Variants in ZNF740 observed in about 807,000 individuals in gnomAD.
The protein encoded by ZNF740 is oriLyt TD-element-binding protein 7.
Under a neutral mutation model 24.8 loss-of-function variants are expected in ZNF740, and 14 were observed. The observed-to-expected ratio is 0.56, with a 90% CI of 0.37 to 0.88. ZNF740 has a LOEUF of 0.88. Among genes scored for constraint, ZNF740 ranks in the 40% least tolerant of loss-of-function variants. ZNF740 has a pLI of 0.00. For missense variants in ZNF740, 201 were observed against 247.9 expected, an observed-to-expected ratio of 0.81 and a Z score of 1.27; for synonymous variants, 69 against 84.0, an observed-to-expected ratio of 0.82 and a Z score of 0.98.
chr12:53,188,902 G>C lies in ZNF740; in HGVS notation c.*1312G>C, dbSNP rs1282391233. On this transcript the variant is annotated 3_prime_UTR_variant, in exon 7 of 7. Coordinates refer to ENST00000416904, the MANE Select transcript of ZNF740 (RefSeq NM_001004304.4). ...AAAGTAATCGGGTGTGTGTGTGTGT[G>C]TGAGAGAGAGTGTGTGTGAGATATG... The C allele has an allele frequency of 6.6e-6, 1 of 152,238 alleles. No homozygotes were observed. Among genetic ancestry groups the C allele is most frequent in the African/African-American group, 2.4e-5 (1 of 41,444 alleles). 9.4% of individuals were successfully genotyped at this position (152,238 alleles called of 1,614,324 possible). A position where few individuals can be genotyped will look rare whatever the true frequency, so the allele number is the denominator to read the frequency against.
Position 53,192,688 on chromosome 12 carries a change from C to T in ZNF740, c.*5098C>T. On this transcript the variant is annotated 3_prime_UTR_variant, in exon 7 of 7. Transcript: ENST00000416904. ...TCCCAAGATGCAAGACCTGAGGCCT[C>T]ACCGGTGTCTCTCGCATGGTGTCTT... 1 of 1,612,472 alleles carries T rather than the reference C, an allele frequency of 6.2e-7. No homozygotes were observed. Among genetic ancestry groups the T allele is most frequent in the South Asian group, 1.1e-5 (1 of 91,058 alleles).
In ZNF740 at chr12:53,192,512, C is replaced by T. The variant is rs761810729; in HGVS notation, c.*4922C>T. ...GCAGTTGGTGGCCAGTGGGCCAGTC[C>T]TGAAGGCCCCACACTCTGCACAGTC... On this transcript the variant is annotated 3_prime_UTR_variant, in exon 7 of 7. Transcript: ENST00000416904. 4 of 1,614,016 alleles carry T rather than the reference C, an allele frequency of 2.5e-6. No homozygotes were observed. The highest frequency in any genetic ancestry group is 3.3e-4 in the Middle Eastern group (2 of 6,080).
Position 53,191,858 on chromosome 12 carries a change from C to G in ZNF740, c.*4268C>G. 1 of 1,613,592 alleles carries G rather than the reference C, an allele frequency of 6.2e-7. No individual in the cohort carries two copies. The highest frequency in any genetic ancestry group is 8.5e-7 in the Non-Finnish European group (1 of 1,179,952). On this transcript the variant is annotated 3_prime_UTR_variant, in exon 7 of 7. Transcript: ENST00000416904. ...GGGGCCTAACCAGGAAGTCTCCTCA[C>G]CTGCTTCCAGTTGAGTTGTTGCTGC...
In ZNF740 at chr12:53,185,403, G is replaced by A. The variant is rs764713254; in HGVS notation, c.176G>A (p.Ser59Asn). ...RCSSQGHRKDSDKSRSRKDDD... is the reference protein window; with the variant it reads ...RCSSQGHRKDNDKSRSRKDDD... Reference sequence around the variant, plus strand: ...TCTTCAAAGGGTCACCGAAAAGACAGTGATAAGTCCCGGAGCCGCAAAGAT... The same window carrying A: ...TCTTCAAAGGGTCACCGAAAAGACAATGATAAGTCCCGGAGCCGCAAAGAT... The change falls in exon 4 of 7, where the codon AGT becomes AAT. Residue 59 changes from serine to asparagine, a missense_variant. This residue lies in a region of ZNF740 where 117 missense variants were observed against 122.3 expected (regional missense o/e 0.96). Coordinates refer to ENST00000416904, the MANE Select transcript of ZNF740 (RefSeq NM_001004304.4). 3 of 1,614,034 alleles carry A rather than the reference G, an allele frequency of 1.9e-6. No homozygotes were observed. The South Asian group carries it at 3.3e-5, about 18-fold the overall frequency.
At position 53,193,738 on chromosome 12, in the gene ZNF740, C is replaced by T; in HGVS notation, c.*6148C>T. 3 of 1,613,500 alleles carry T rather than the reference C, an allele frequency of 1.9e-6. No homozygotes were observed. In the East Asian group the frequency reaches 6.7e-5, roughly 36 times the overall value. On this transcript the variant is annotated 3_prime_UTR_variant, in exon 7 of 7. Transcript: ENST00000416904. Reference sequence around the variant, plus strand: ...TACACCACATTGTAGGTGTCCCTGGCCATCACTGCAGTGGGGAGCCTGGGG... The same window carrying T: ...TACACCACATTGTAGGTGTCCCTGGTCATCACTGCAGTGGGGAGCCTGGGG...
intron 2 of ZNF740, among the ~76,000 whole-genome samples, chr12:53,184,150 T>TGTGTGTGTGTGTGTGTGTGTGCGCGCGC (rs59250662): frequency 1.5e-4 from 16 of 104,414 alleles, no homozygotes; most frequent in African/African-American, 5.6e-4. Context: ...TGTGTGTGTG[T>TGTGTGTGTGTGTGTGTGTGTGCGCGCGC]GCGCGCGCGC....
intron 1 of ZNF740, 37 bp downstream of exon 1, chr12:53,180,874 A>G (rs1257412408): frequency 9.0e-6 from 11 of 1,217,594 alleles, no homozygotes; most frequent in Non-Finnish European, 1.2e-5. Flanking sequence ...CGTCGTCCGT[A>G]CAGACGGCAG....
In ZNF740 at chr12:53,184,985, A is replaced by C. The variant is rs770243451; in HGVS notation, c.104A>C (p.Gln35Pro). ...KMMLSQIASKQAENGERAGSP... is the reference protein window; with the variant it reads ...KMMLSQIASKPAENGERAGSP... ...ATGCTGAGCCAGATTGCCAGCAAGC[A>C]GGCCGAGAATGGCGAGCGGGCAGGT... Residue 35 changes from glutamine to proline, a missense_variant, in exon 3 of 7, where the codon CAG becomes CCG. Gln to Pro is a moderately conservative substitution (Grantham distance 76). This residue lies in a region of ZNF740 where 117 missense variants were observed against 122.3 expected (regional missense o/e 0.96). Coordinates refer to ENST00000416904, the MANE Select transcript of ZNF740 (RefSeq NM_001004304.4). 5.0e-6 allele frequency: 8 copies of C among 1,613,932 alleles called. No individual in the cohort carries two copies. The Admixed American group carries it at 1.3e-4, about 27-fold the overall frequency.
Position 53,188,464 on chromosome 12 carries a change from T to C in ZNF740, c.*874T>C, listed in dbSNP as rs1941865673. On this transcript the variant is annotated 3_prime_UTR_variant, in exon 7 of 7. Transcript: ENST00000416904. ...TGGCTACCTCGCTGCCATTGACTCC[T>C]AAAGTGAGACAGATGTGTTGAGCAA... is the stretch of plus-strand genomic sequence containing the variant. The C allele has an allele frequency of 6.6e-6, 1 of 152,612 alleles. No homozygotes were observed. The highest frequency in any genetic ancestry group is 6.5e-5 in the Admixed American group (1 of 15,278). 9.5% of individuals were successfully genotyped at this position (152,612 alleles called of 1,614,324 possible).
At chr12:53,184,861 G>T in intron 2 of ZNF740, 30 bp from the exon 3 acceptor site, 1 of 1,601,332 alleles carries the variant, frequency 6.2e-7, no homozygotes, top group South Asian at 1.1e-5. Flanking sequence ...CCTGCCAGGT[G>T]ACCTGACACC....
rs761529653 is a variant in ZNF740 at position 53,181,895 on chromosome 12, G to T, written c.-89G>T. The T allele has an allele frequency of 8.3e-5, 127 of 1,527,158 alleles. No individual in the cohort carries two copies. Among genetic ancestry groups the T allele is most frequent in the Non-Finnish European group, 1.1e-4 (126 of 1,121,068 alleles). 94.6% of individuals were successfully genotyped at this position (1,527,158 alleles called of 1,614,324 possible). A position where few individuals can be genotyped will look rare whatever the true frequency, so the allele number is the denominator to read the frequency against. ...CACGAAGGAGTCGCTACCGTGATTT[G>T]GTGACAGTTCTTCAAAACGACAGTG... On this transcript the variant is annotated 5_prime_UTR_variant, in exon 2 of 7. Coordinates refer to ENST00000416904, the MANE Select transcript of ZNF740 (RefSeq NM_001004304.4).
At chr12:53,184,433 G>T (rs960736994) in intron 2 of ZNF740, among the ~76,000 whole-genome samples, 2 of 151,976 alleles carry the variant, frequency 1.3e-5, no homozygotes, top group African/African-American at 4.8e-5. Flanking sequence ...TGATCCGCCC[G>T]CCTCATTCTC....
chr12:53,192,624 C>T lies in ZNF740; in HGVS notation c.*5034C>T. The T allele has an allele frequency of 1.3e-6, 2 of 1,595,850 alleles. No individual in the cohort carries two copies. The highest frequency in any genetic ancestry group is 8.6e-7 in the Non-Finnish European group (1 of 1,166,212). On this transcript the variant is annotated 3_prime_UTR_variant, in exon 7 of 7. Transcript: ENST00000416904. ...AACTACAAGCAGGACGGAGAGTAGG[C>T]AGATGGGAGTAGCTCAACAAGCCCC...
Position 53,188,911 on chromosome 12 carries a change from A to T in ZNF740, c.*1321A>T, listed in dbSNP as rs552063902. The stretch of plus-strand genomic sequence containing the variant: ...GGGTGTGTGTGTGTGTGTGAGAGAG[A>T]GTGTGTGTGAGATATGAATGCATGT... On this transcript the variant is annotated 3_prime_UTR_variant, in exon 7 of 7. Transcript: ENST00000416904. 5 of 152,012 alleles carry T rather than the reference A, an allele frequency of 3.3e-5. No individual in the cohort carries two copies. The highest frequency in any genetic ancestry group is 3.9e-4 in the East Asian group (2 of 5,170). 9.4% of individuals were successfully genotyped at this position (152,012 alleles called of 1,614,324 possible).
chr12:53,192,707 G>C lies in ZNF740; in HGVS notation c.*5117G>C. On this transcript the variant is annotated 3_prime_UTR_variant, in exon 7 of 7. Transcript: ENST00000416904. ...AGGCCTCACCGGTGTCTCTCGCATGGTGTCTTGCAGCCTGGGCATTGGTCG... is the reference window on the plus strand; with the variant it reads ...AGGCCTCACCGGTGTCTCTCGCATGCTGTCTTGCAGCCTGGGCATTGGTCG... The C allele has an allele frequency of 6.2e-7, 1 of 1,613,970 alleles. No individual in the cohort carries two copies. The highest frequency in any genetic ancestry group is 8.5e-7 in the Non-Finnish European group (1 of 1,179,928).
chr12:53,191,542 T>G lies in ZNF740; in HGVS notation c.*3952T>G. 6.3e-7 allele frequency: 1 copy of G among 1,595,372 alleles called. No homozygotes were observed. Among genetic ancestry groups the G allele is most frequent in the Non-Finnish European group, 8.6e-7 (1 of 1,162,970 alleles). Reference sequence around the variant, plus strand: ...TCCAAGGAGAAGAGCCTTGGGTAAGTGTCCCTCCCTCCTTCAGAGAGTGGG... The same window carrying G: ...TCCAAGGAGAAGAGCCTTGGGTAAGGGTCCCTCCCTCCTTCAGAGAGTGGG... On this transcript the variant is annotated 3_prime_UTR_variant, in exon 7 of 7. Coordinates refer to ENST00000416904, the MANE Select transcript of ZNF740 (RefSeq NM_001004304.4).
rs2120365709 is a variant in ZNF740 at position 53,189,037 on chromosome 12, C to G, written c.*1447C>G. On this transcript the variant is annotated 3_prime_UTR_variant, in exon 7 of 7. Coordinates refer to ENST00000416904, the MANE Select transcript of ZNF740 (RefSeq NM_001004304.4). ...GGAAAATAGCCTCCTCTTGCCCAAA[C>G]ATGAAGGGTGCTTGAGGTCTCAGCA... is the stretch of plus-strand genomic sequence containing the variant. The G allele has an allele frequency of 6.6e-6, 1 of 152,000 alleles. No homozygotes were observed. The highest frequency in any genetic ancestry group is 1.9e-4 in the East Asian group (1 of 5,176). 9.4% of individuals were successfully genotyped at this position (152,000 alleles called of 1,614,324 possible). A position where few individuals can be genotyped will look rare whatever the true frequency, so the allele number is the denominator to read the frequency against.
chr12:53,182,689 A>G (rs74088983), intron 2 of ZNF740, among the ~76,000 whole-genome samples: 5,146 of 152,244 alleles, frequency 0.034, 293 homozygotes, highest in African/African-American at 0.12. Context: ...GGAAAATGTG[A>G]TGAGGTTCCG....
In ZNF740 at chr12:53,185,028, G is replaced by A. The variant is rs1565691369; in HGVS notation, c.147G>A (p.Arg49=). The A allele has an allele frequency of 3.1e-6, 5 of 1,613,874 alleles. No individual in the cohort carries two copies. The highest frequency in any genetic ancestry group is 4.2e-6 in the Non-Finnish European group (5 of 1,179,908). The change falls in exon 3 of 7, where the codon AGG becomes AGA. Residue 49 remains arginine (R), a synonymous_variant. Coordinates refer to ENST00000416904, the MANE Select transcript of ZNF740 (RefSeq NM_001004304.4). The stretch of plus-strand genomic sequence containing the variant: ...GGGCAGGTAGCCCTGATGTGCTGAG[G>A]TGCTCGAGTCAGGTACAGCGCTTGA... ...GERAGSPDVL[R]CSSQGHRKDS... is the part of the protein sequence containing the mutation.
Sources: gnomAD v4.1 joint callset for allele counts (sites outside exome capture counted in the v4.1 genomes callset) on GRCh38, gnomAD v4.1.1 for gene constraint, gnomAD v4.1.1 regional missense constraint, MANE v1.5 for transcripts, NCBI Gene and HGNC (gene_info 2026-07-23, HGNC 2026-07-21) for gene names.